Variants in CEP72 observed in about 807,000 individuals in gnomAD.
CEP72 encodes the protein centrosomal protein 72, also known as centrosomal protein of 72 kDa.
A neutral mutation model predicts 65.7 loss-of-function variants in CEP72; 78 were observed. That is an observed-to-expected ratio of 1.19 (90% CI 0.99 to 1.43). CEP72 has a LOEUF of 1.43. CEP72 is among the 40% of genes most tolerant of loss of function. The pLI is 0.00. For missense variants in CEP72, 914 were observed against 832.9 expected, an observed-to-expected ratio of 1.10 and a Z score of -1.20; for synonymous variants, 358 against 351.7, an observed-to-expected ratio of 1.02 and a Z score of -0.20.
Position 624,340 on chromosome 5 carries a change from C to T in CEP72, c.404-131C>T. The T allele has an allele frequency of 6.2e-6, 4 of 649,052 alleles. No homozygotes were observed. In the South Asian group the frequency reaches 7.1e-5, roughly 12 times the overall value. 40.2% of individuals were successfully genotyped at this position (649,052 alleles called of 1,614,324 possible). A position where few individuals can be genotyped will look rare whatever the true frequency, so the allele number is the denominator to read the frequency against. ...TGTGGGACCACCAGAGCCCAGCATT[C>T]CGGTGCTAGGTTAGTGGGAGCAGGG... On this transcript the variant is annotated intron_variant, in intron 3 of 11. Transcript: ENST00000264935. This position sits in a 1 kb window ranked among gnomAD's most constrained non-coding sequence, Gnocchi z 4.7.
intron 11 of CEP72, among the ~76,000 whole-genome samples, chr5:649,235 GTGTGA>G (rs1738725035): frequency 8.9e-6 from 1 of 112,106 alleles, no homozygotes; most frequent in African/African-American, 4.1e-5. Flanking sequence ...TGACTGTGAG[GTGTGA>G]CTGTGAGGTG....
downstream of CEP72, among the ~76,000 whole-genome samples, chr5:658,417 G>A (rs1318984814): frequency 2.0e-5 from 3 of 152,174 alleles, no homozygotes; most frequent in Admixed American, 6.5e-5. Context: ...GGCCACCTCA[G>A]CATCTGCCTC....
chr5:625,867 C>T (rs766430970), intron 4 of CEP72, among the ~76,000 whole-genome samples: 3 of 152,186 alleles, frequency 2.0e-5, no homozygotes, highest in African/African-American at 7.2e-5. Context: ...ATCTCTCCTC[C>T]GTGCCTGTCT....
intron 4 of CEP72, among the ~76,000 whole-genome samples, chr5:625,717 C>T (rs1736709975): frequency 6.6e-6 from 1 of 152,208 alleles, no homozygotes; most frequent in African/African-American, 2.4e-5. Flanking sequence ...ACCTTCTGCT[C>T]ATGTGAGCCG....
intron 11 of CEP72, among the ~76,000 whole-genome samples, chr5:652,081 C>T (rs2458813): frequency 2.2e-4 from 33 of 152,182 alleles, no homozygotes; most frequent in East Asian, 1.3e-3. Context: ...GGGACTGTGG[C>T]GGCCGCGGGT....
At chr5:654,325 T>G (rs1001624963), downstream of CEP72, among the ~76,000 whole-genome samples, 12 of 147,286 alleles carry the variant, frequency 8.1e-5, no homozygotes, top group African/African-American at 2.7e-4. Context: ...TGTACGCTTG[T>G]GTGTGCGCTG....
intron 9 of CEP72, 114 bp downstream of exon 9, chr5:640,718 C>A: frequency 6.9e-7 from 1 of 1,450,432 alleles, no homozygotes; most frequent in Non-Finnish European, 9.0e-7. Flanking sequence ...GCCATCTCTG[C>A]AGCCCCATGT....
chr5:665,525 G>A (rs2126864668), intron 3 of CEP72, among the ~76,000 whole-genome samples: 1 of 152,172 alleles, frequency 6.6e-6, no homozygotes, highest in East Asian at 1.9e-4. Context: ...TCCACCTGGT[G>A]TTTATGTAGT....
rs141619992 is a variant in CEP72, at chr5:638,104, G to A, written c.1206+286G>A. On this transcript the variant is annotated intron_variant, in intron 7 of 11. Transcript: ENST00000264935. ...AGGGTTCCAGGGTGCTTGCTGCTGC[G>A]TTTTGTTGGACGTGTGCCTCTGTGC... 3.4e-4 allele frequency among the ~76,000 whole-genome samples: 52 copies of A among 152,346 alleles called. No individual in the cohort carries two copies. In the East Asian group the frequency reaches 5.6e-3, roughly 16 times the overall value.
intron 1 of CEP72, among the ~76,000 whole-genome samples, chr5:618,619 A>G (rs1301369102): frequency 1.3e-5 from 2 of 152,102 alleles, no homozygotes; most frequent in Non-Finnish European, 2.9e-5. Flanking sequence ...GGGAGTTTAT[A>G]GCCTAGGGTC....
downstream of CEP72, chr5:667,269 A>C (rs543923147): frequency 6.6e-6 from 1 of 152,366 alleles, no homozygotes; most frequent in African/African-American, 2.4e-5. Context: ...TGGCTCAGCC[A>C]CATGCATGCT....
chr5:664,094 G>A (rs905980510), intron 2 of CEP72: 3 of 152,580 alleles, frequency 2.0e-5, no homozygotes, highest in African/African-American at 7.2e-5. Context: ...CTCCGGCGGG[G>A]GGGATTGGCC....
At chr5:613,792 C>T (rs1293290503) in intron 1 of CEP72, among the ~76,000 whole-genome samples, 3 of 152,214 alleles carry the variant, frequency 2.0e-5, no homozygotes, top group East Asian at 1.9e-4. Flanking sequence ...AATCCGCTTG[C>T]GGGGCCCTTT....
At chr5:629,671 G>C in intron 4 of CEP72, among the ~76,000 whole-genome samples, 1 of 66,830 alleles carries the variant, frequency 1.5e-5, no homozygotes, top group Non-Finnish European at 2.7e-5. Flanking sequence ...GTCCTGGTGG[G>C]GTTCTGTCCA....
chr5:629,510 G>A (rs6896219), intron 4 of CEP72, among the ~76,000 whole-genome samples: 73 of 117,752 alleles, frequency 6.2e-4, no homozygotes, highest in African/African-American at 2.4e-3. Context: ...GACCAGTCCT[G>A]GTGGGGTTCT....
intron 1 of CEP72, among the ~76,000 whole-genome samples, chr5:616,315 A>G (rs575418749): frequency 1.3e-5 from 2 of 151,900 alleles, no homozygotes; most frequent in East Asian, 1.9e-4. Flanking sequence ...TGAAATTTCT[A>G]TTTGTTTCTT....
intron 11 of CEP72, among the ~76,000 whole-genome samples, chr5:648,119 G>A (rs1021030641): frequency 6.6e-6 from 1 of 152,248 alleles, no homozygotes; most frequent in Non-Finnish European, 1.5e-5. Flanking sequence ...GCTGTCTGTC[G>A]CATGTGTGAG....
In CEP72 at chr5:653,490, A is replaced by G. The variant is rs1739245801; in HGVS notation, c.*337A>G. On this transcript the variant is annotated 3_prime_UTR_variant, in exon 12 of 12. Coordinates refer to ENST00000264935, the MANE Select transcript of CEP72 (RefSeq NM_018140.4). ...GAAAGAGAGCTATGTATGATAATTA[A>G]AGAAAATAATTTTCTGTGTAACAAG... 1 of 182,968 alleles carries G rather than the reference A, an allele frequency of 5.5e-6. No homozygotes were observed. The highest frequency in any genetic ancestry group is 1.1e-5 in the Non-Finnish European group (1 of 88,892). The allele number at this position is 182,968 out of a possible 1,614,324, so 11.3% of individuals were successfully genotyped here. A position where few individuals can be genotyped will look rare whatever the true frequency, so the allele number is the denominator to read the frequency against.
At chr5:650,039 GA>G (rs1738868288) in intron 11 of CEP72, among the ~76,000 whole-genome samples, 1 of 128,880 alleles carries the variant, frequency 7.8e-6, no homozygotes, top group Non-Finnish European at 1.7e-5. Context: ...GTGTGACTGT[GA>G]GGCGTGGACT....
Sources: gnomAD v4.1 joint callset for allele counts (sites outside exome capture counted in the v4.1 genomes callset) on GRCh38, gnomAD v4.1.1 for gene constraint, Gnocchi (gnomAD v3.1) non-coding constraint, MANE v1.5 for transcripts, NCBI Gene and HGNC (gene_info 2026-07-23, HGNC 2026-07-21) for gene names.